Variants in PRKAR2B observed in about 807,000 individuals in gnomAD.
The protein encoded by PRKAR2B is protein kinase cAMP-dependent type II regulatory subunit beta.
PRKAR2B carries 14 observed loss-of-function variants against 49.9 expected under a neutral mutation model. That is an observed-to-expected ratio of 0.28 (90% CI 0.19 to 0.44). The LOEUF (loss-of-function observed/expected upper bound fraction) is 0.44, where lower values mean the gene tolerates loss of function less well. Ranked by LOEUF, PRKAR2B falls within the 20% of genes least tolerant of loss-of-function variation. The pLI, the probability that PRKAR2B is intolerant of heterozygous loss-of-function variation, is 1.00. For missense variants in PRKAR2B, 393 were observed against 537.9 expected, an observed-to-expected ratio of 0.73 and a Z score of 2.67; for synonymous variants, 196 against 197.7, an observed-to-expected ratio of 0.99 and a Z score of 0.07.
chr7:107,050,564 T>C (rs993581807), intron 1 of PRKAR2B, among the ~76,000 whole-genome samples: 1 of 152,114 alleles, frequency 6.6e-6, no homozygotes, highest in African/African-American at 2.4e-5. Context: ...ATCCATCAAT[T>C]TGGGGTTTAT....
rs182455121 is a variant in PRKAR2B at position 107,157,153 on chromosome 7, A to C, written c.985-33A>C. 5.0e-6 allele frequency: 8 copies of C among 1,608,558 alleles called. No homozygotes were observed. The Admixed American group carries it at 1.4e-4, about 27-fold the overall frequency. On this transcript the variant is annotated intron_variant, in intron 9 of 10. Transcript: ENST00000265717. ...GGTTAATTTTATTTTTCATAAGCTG[A>C]GGAAAAGCTCATCTTTTTAATTGCC... is the stretch of plus-strand genomic sequence containing the variant.
At chr7:107,149,709 A>G (rs1795949264) in intron 6 of PRKAR2B, among the ~76,000 whole-genome samples, 1 of 152,112 alleles carries the variant, frequency 6.6e-6, no homozygotes, top group Non-Finnish European at 1.5e-5. Context: ...ACTTTCATCT[A>G]TACTGGCATT....
chr7:107,153,149 A>G lies in PRKAR2B; in HGVS notation c.844-28A>G, dbSNP rs200020555. 5.5e-5 allele frequency: 87 copies of G among 1,572,360 alleles called. 1 individual carries two copies. The African/African-American group carries it at 9.4e-4, about 17-fold the overall frequency. ...AAGCTTACCCAGTTAATTTGTTTCTATTTAATATTGTTTTTCTTTCTTTGT... is the reference window on the plus strand; with the variant it reads ...AAGCTTACCCAGTTAATTTGTTTCTGTTTAATATTGTTTTTCTTTCTTTGT... On this transcript the variant is annotated intron_variant, in intron 7 of 10. Coordinates refer to ENST00000265717, the MANE Select transcript of PRKAR2B (RefSeq NM_002736.3).
chr7:107,068,416 G>C (rs908868623), intron 1 of PRKAR2B: 1 of 152,066 alleles, frequency 6.6e-6, no homozygotes, highest in Non-Finnish European at 1.5e-5. Flanking sequence ...TCCATTCACT[G>C]TCCTTGTAGC....
chr7:107,145,314 TTG>T (rs531077527), intron 5 of PRKAR2B, among the ~76,000 whole-genome samples: 354 of 152,334 alleles, frequency 2.3e-3, no homozygotes, highest in Non-Finnish European at 4.0e-3. Flanking sequence ...GATAGCCAGT[TTG>T]TGGGCTATAG....
chr7:107,133,253 G>A (rs1028694516), intron 4 of PRKAR2B, among the ~76,000 whole-genome samples: 8 of 152,124 alleles, frequency 5.3e-5, no homozygotes, highest in African/African-American at 1.9e-4. Context: ...TATTTTATCA[G>A]GAATTGCCTT....
At chr7:107,120,989 T>A (rs923317781) in intron 2 of PRKAR2B, among the ~76,000 whole-genome samples, 12 of 150,788 alleles carry the variant, frequency 8.0e-5, no homozygotes, top group East Asian at 1.9e-4. Context: ...TAATTTAAAA[T>A]TTTTTTAAAT....
chr7:107,140,145 G>A (rs1314940961), intron 4 of PRKAR2B, among the ~76,000 whole-genome samples: 1 of 152,148 alleles, frequency 6.6e-6, no homozygotes, highest in Non-Finnish European at 1.5e-5. Context: ...TCATCAGTTT[G>A]AAGTTTATCC....
chr7:107,141,701 A>C (rs1795792928), intron 5 of PRKAR2B, among the ~76,000 whole-genome samples: 1 of 152,174 alleles, frequency 6.6e-6, no homozygotes, highest in South Asian at 2.1e-4. Flanking sequence ...CTCAAATAAT[A>C]ATAACAATAA....
At chr7:107,089,481 A>G (rs932026728) in intron 2 of PRKAR2B, among the ~76,000 whole-genome samples, 1 of 152,244 alleles carries the variant, frequency 6.6e-6, no homozygotes, top group African/African-American at 2.4e-5. Context: ...CTACTGCGTT[A>G]TATATAAATG....
At chr7:107,052,332 C>T (rs577042154) in intron 1 of PRKAR2B, among the ~76,000 whole-genome samples, 3 of 152,190 alleles carry the variant, frequency 2.0e-5, no homozygotes, top group Non-Finnish European at 4.4e-5. Flanking sequence ...GCAGGAGAAT[C>T]GCTTGAACCC....
intron 4 of PRKAR2B, among the ~76,000 whole-genome samples, chr7:107,132,105 G>A (rs1795613878): frequency 6.6e-6 from 1 of 152,202 alleles, no homozygotes; most frequent in African/African-American, 2.4e-5. Context: ...CTGTCTCTTA[G>A]CTTACCCTAA....
chr7:107,152,207 C>G (rs1248402836), intron 7 of PRKAR2B, among the ~76,000 whole-genome samples: 1 of 152,198 alleles, frequency 6.6e-6, no homozygotes, highest in Non-Finnish European at 1.5e-5. Context: ...TGGCACTGCT[C>G]TATTTAAGCT....
intron 1 of PRKAR2B, among the ~76,000 whole-genome samples, chr7:107,052,156 G>A (rs1190241031): frequency 2.0e-5 from 3 of 152,128 alleles, no homozygotes; most frequent in Non-Finnish European, 2.9e-5. Context: ...GGTGGCTCAT[G>A]TCTATAATTC....
chr7:107,067,036 G>A (rs993115942), intron 1 of PRKAR2B: 3 of 152,294 alleles, frequency 2.0e-5, no homozygotes, highest in Admixed American at 6.5e-5. Context: ...TGCCACTTGG[G>A]TGGTCTGTCC....
intron 3 of PRKAR2B, among the ~76,000 whole-genome samples, chr7:107,123,184 A>C (rs1480779826): frequency 6.6e-6 from 1 of 152,218 alleles, no homozygotes; most frequent in East Asian, 1.9e-4. Flanking sequence ...AGCTGGTTTA[A>C]ATTAATAAAA....
At chr7:107,147,969 C>T (rs1258087696) in intron 6 of PRKAR2B, among the ~76,000 whole-genome samples, 5 of 152,176 alleles carry the variant, frequency 3.3e-5, no homozygotes, top group East Asian at 3.8e-4. Context: ...ATCAAAGAGA[C>T]AAGACATTTT....
intron 1 of PRKAR2B, among the ~76,000 whole-genome samples, chr7:107,067,709 A>G (rs780265906): frequency 2.6e-4 from 40 of 152,342 alleles, no homozygotes; most frequent in Non-Finnish European, 5.3e-4. Flanking sequence ...ATCAAAAAGC[A>G]TTGTACTAGG....
chr7:107,072,941 G>GT (rs1419450499), intron 2 of PRKAR2B, among the ~76,000 whole-genome samples: 1 of 152,096 alleles, frequency 6.6e-6, no homozygotes, highest in African/African-American at 2.4e-5. Context: ...GTAAGAGTTT[G>GT]TTTTTTATTC....
Sources: allele counts gnomAD v4.1 joint callset (sites outside exome capture counted in the v4.1 genomes callset), GRCh38; gene constraint gnomAD v4.1.1; transcripts MANE v1.5; gene names NCBI Gene and HGNC (gene_info 2026-07-23, HGNC 2026-07-21).